PHACTR1: variants seen among roughly 807,000 people sequenced by gnomAD.
PHACTR1 encodes the protein phosphatase and actin regulator 1, also known as RPEL repeat containing 1.
Under a neutral mutation model 69.2 loss-of-function variants are expected in PHACTR1, and 16 were observed. That is an observed-to-expected ratio of 0.23 (90% CI 0.16 to 0.35). The LOEUF is 0.35. Among genes scored for constraint, PHACTR1 ranks in the 10% least tolerant of loss-of-function variants. The pLI is 1.00. For synonymous variants in PHACTR1, 312 were observed against 284.5 expected (o/e 1.10, Z -0.97); for missense variants, 510 against 734.7 (o/e 0.69, Z 3.54).
At chr6:12,978,740 G>T (rs192927786) in intron 4 of PHACTR1, among the ~76,000 whole-genome samples, 58 of 152,336 alleles carry the variant, frequency 3.8e-4, no homozygotes, top group Non-Finnish European at 1.2e-4. Flanking sequence ...GTTGCATGGG[G>T]TCGACTTCAT....
At chr6:13,156,480 C>CT (rs1193743386) in intron 5 of PHACTR1, among the ~76,000 whole-genome samples, 1 of 152,166 alleles carries the variant, frequency 6.6e-6, no homozygotes. Context: ...GCATGGGCAA[C>CT]TTTGAGTCAT....
intron 4 of PHACTR1, among the ~76,000 whole-genome samples, chr6:12,937,693 AG>A (rs57417310): frequency 0.026 from 3,946 of 152,332 alleles, 169 homozygotes; most frequent in African/African-American, 0.089. Flanking sequence ...AAAAGCTCCC[AG>A]AGAGGGTGCT....
chr6:13,076,787 G>T (rs532673522), intron 5 of PHACTR1, among the ~76,000 whole-genome samples: 1 of 152,118 alleles, frequency 6.6e-6, no homozygotes, highest in South Asian at 2.1e-4. Flanking sequence ...ATGCTGCAAA[G>T]TCATAGCGTT....
At chr6:13,110,323 A>G (rs1283253954) in intron 5 of PHACTR1, among the ~76,000 whole-genome samples, 1 of 152,166 alleles carries the variant, frequency 6.6e-6, no homozygotes, top group East Asian at 1.9e-4. Flanking sequence ...GGATGGATGT[A>G]AGGTAGCTTT....
At position 12,751,550 on chromosome 6, in the gene PHACTR1, C is replaced by T. The variant is rs180708503; in HGVS notation, c.250+1760C>T. Among the ~76,000 whole-genome samples the T allele has an allele frequency of 2.4e-4, 37 of 152,314 alleles. No individual in the cohort carries two copies. In the East Asian group the frequency reaches 6.5e-3, roughly 27 times the overall value. On this transcript the variant is annotated intron_variant, in intron 4 of 14. Transcript: ENST00000332995. ...AAATGTTGTTTACCTTCTACTAGTA[C>T]TTTTATCACAAAACAATAAAATAAA...
At chr6:12,944,792 T>TTA (rs763631079) in intron 4 of PHACTR1, among the ~76,000 whole-genome samples, 14,927 of 146,720 alleles carry the variant, frequency 0.1, 814 homozygotes, top group Middle Eastern at 0.13. Flanking sequence ...TATTTATTTT[T>TTA]TTTTTTTTGA....
intron 6 of PHACTR1, among the ~76,000 whole-genome samples, chr6:13,166,110 C>A (rs1244542293): frequency 6.6e-6 from 1 of 152,230 alleles, no homozygotes; most frequent in African/African-American, 2.4e-5. Context: ...GTTGGCTGCG[C>A]CTTCTTCCAG....
At chr6:13,086,048 A>G (rs145803509) in intron 5 of PHACTR1, among the ~76,000 whole-genome samples, 15 of 149,540 alleles carry the variant, frequency 1.0e-4, no homozygotes, top group Middle Eastern at 3.5e-3. Context: ...ATCTAGGCAA[A>G]GTAATTGCCT....
chr6:13,051,696 A>C (rs925973771), intron 4 of PHACTR1, among the ~76,000 whole-genome samples: 1 of 152,140 alleles, frequency 6.6e-6, no homozygotes, highest in Non-Finnish European at 1.5e-5. Flanking sequence ...GTCTTCTCCA[A>C]TGCTGTGAAG....
At chr6:13,177,085 T>G (rs1761417968) in intron 6 of PHACTR1, among the ~76,000 whole-genome samples, 2 of 149,268 alleles carry the variant, frequency 1.3e-5, no homozygotes, top group South Asian at 4.2e-4. Flanking sequence ...TTCCTGTAAT[T>G]TCAGCACTTT....
chr6:13,153,714 A>G (rs903510029), intron 5 of PHACTR1, among the ~76,000 whole-genome samples: 3 of 152,276 alleles, frequency 2.0e-5, no homozygotes, highest in Non-Finnish European at 2.9e-5. Context: ...TGCCTTGGCC[A>G]CCTTCTAAGC....
intron 4 of PHACTR1, among the ~76,000 whole-genome samples, chr6:12,903,697 A>G (rs1049299583): frequency 2.0e-5 from 3 of 152,232 alleles, no homozygotes; most frequent in African/African-American, 7.2e-5. Flanking sequence ...GGTAATAAAT[A>G]TGTCTATGCC....
chr6:13,202,363 G>A (rs889059383), intron 7 of PHACTR1, among the ~76,000 whole-genome samples: 2 of 152,136 alleles, frequency 1.3e-5, no homozygotes, highest in Non-Finnish European at 2.9e-5. Context: ...CCAAGCAAAT[G>A]AGCACCTACT....
At chr6:12,911,889 T>C (rs1786444613) in intron 4 of PHACTR1, among the ~76,000 whole-genome samples, 1 of 152,202 alleles carries the variant, frequency 6.6e-6, no homozygotes, top group African/African-American at 2.4e-5. Context: ...CTTTATTACC[T>C]GAAAACAAAT....
intron 4 of PHACTR1, among the ~76,000 whole-genome samples, chr6:13,050,945 T>G (rs927896637): frequency 6.6e-6 from 1 of 152,184 alleles, no homozygotes; most frequent in Non-Finnish European, 1.5e-5. Flanking sequence ...CCTATCCTTC[T>G]GTCATGCCCC....
At chr6:13,249,655 C>T (rs147063730) in intron 10 of PHACTR1, among the ~76,000 whole-genome samples, 4 of 152,018 alleles carry the variant, frequency 2.6e-5, no homozygotes, top group African/African-American at 9.6e-5. Context: ...AAAAATTAGC[C>T]GGATGTGGTG....
chr6:13,260,216 T>A (rs1048236081), intron 10 of PHACTR1, among the ~76,000 whole-genome samples: 1 of 152,204 alleles, frequency 6.6e-6, no homozygotes. Flanking sequence ...TGTACGCAGG[T>A]ATCACCAATG....
intron 4 of PHACTR1, among the ~76,000 whole-genome samples, chr6:13,012,353 G>T (rs1219575208): frequency 6.6e-6 from 1 of 152,164 alleles, no homozygotes; most frequent in Non-Finnish European, 1.5e-5. Context: ...GGAGAGACTA[G>T]CAAAGACCTG....
intron 4 of PHACTR1, among the ~76,000 whole-genome samples, chr6:12,784,947 G>C (rs949250101): frequency 1.3e-5 from 2 of 151,646 alleles, no homozygotes; most frequent in Non-Finnish European, 2.9e-5. Flanking sequence ...AACCTCAGAT[G>C]ATCCGCCCAC....
Sources: gnomAD v4.1 joint callset for allele counts (sites outside exome capture counted in the v4.1 genomes callset) on GRCh38, gnomAD v4.1.1 for gene constraint, MANE v1.5 for transcripts, NCBI Gene and HGNC (gene_info 2026-07-23, HGNC 2026-07-21) for gene names.